CDH13: variants seen among roughly 807,000 people sequenced by gnomAD.
CDH13 encodes cadherin-13.
A neutral mutation model predicts 63.8 loss-of-function variants in CDH13; 24 were observed. The observed-to-expected ratio is 0.38, with a 90% CI of 0.27 to 0.53. CDH13 has a LOEUF of 0.53. Among genes scored for constraint, CDH13 ranks in the 20% least tolerant of loss-of-function variants. CDH13 has a pLI of 0.85. For missense variants in CDH13, 1,049 were observed against 903.1 expected (o/e 1.16, Z -2.07); for synonymous variants, 503 against 355.3 (o/e 1.42, Z -4.67).
chr16:83,524,806 T>C (rs912095376), intron 7 of CDH13, among the ~76,000 whole-genome samples: 1 of 152,118 alleles, frequency 6.6e-6, no homozygotes. Flanking sequence ...GGCAAACCTG[T>C]AGCACTGAGA....
chr16:83,586,490 C>T (rs1050155334), intron 7 of CDH13, among the ~76,000 whole-genome samples: 9 of 152,198 alleles, frequency 5.9e-5, no homozygotes, highest in African/African-American at 2.2e-4. Flanking sequence ...TATCAACATC[C>T]TGTCTGTCTG....
intron 6 of CDH13, chr16:83,397,488 C>G (rs2091905574): frequency 6.6e-6 from 1 of 152,176 alleles, no homozygotes; most frequent in Admixed American, 6.5e-5. Context: ...GATATGCAGA[C>G]TAATCTGTAA....
intron 7 of CDH13, among the ~76,000 whole-genome samples, chr16:83,552,186 G>C (rs565145373): frequency 6.6e-6 from 1 of 152,312 alleles, no homozygotes; most frequent in South Asian, 2.1e-4. Flanking sequence ...ATGAGCATCA[G>C]GGTGTGATCT....
chr16:82,694,111 C>G (rs2029966944), intron 1 of CDH13, among the ~76,000 whole-genome samples: 1 of 152,174 alleles, frequency 6.6e-6, no homozygotes. Context: ...AGTAGGTACT[C>G]AATAATTCTG....
Position 83,342,086 on chromosome 16 carries a change from A to G in CDH13, c.637-2776A>G, listed in dbSNP as rs550561426. Among the ~76,000 whole-genome samples, 24 of 151,230 alleles carry G rather than the reference A, an allele frequency of 1.6e-4. No homozygotes were observed. The East Asian group carries it at 4.5e-3, about 28-fold the overall frequency. Reference sequence around the variant, plus strand: ...GAAATGTTCTACATCTGTGTTGTCTAATATGGTAACTACTACCTGCATGTG... The same window carrying G: ...GAAATGTTCTACATCTGTGTTGTCTGATATGGTAACTACTACCTGCATGTG... On this transcript the variant is annotated intron_variant, in intron 5 of 13. Transcript: ENST00000567109.
intron 2 of CDH13, among the ~76,000 whole-genome samples, chr16:82,973,222 T>C (rs968390318): frequency 1.3e-5 from 2 of 152,264 alleles, no homozygotes; most frequent in Admixed American, 6.5e-5. Context: ...CTCATTTTTC[T>C]TGGCATTTTG....
chr16:83,136,224 C>G (rs528074877), intron 4 of CDH13, among the ~76,000 whole-genome samples: 1 of 151,380 alleles, frequency 6.6e-6, no homozygotes, highest in Non-Finnish European at 1.5e-5. Flanking sequence ...TGGCTCATGC[C>G]TGTAATCCCA....
chr16:83,052,837 A>C (rs1476325537), intron 3 of CDH13, among the ~76,000 whole-genome samples: 1 of 152,000 alleles, frequency 6.6e-6, no homozygotes, highest in South Asian at 2.1e-4. Context: ...GCAAAATAGA[A>C]AAGACAGATC....
At chr16:83,673,282 C>T (rs1371603721) in intron 9 of CDH13, among the ~76,000 whole-genome samples, 1 of 152,322 alleles carries the variant, frequency 6.6e-6, no homozygotes, top group South Asian at 2.1e-4. Flanking sequence ...GGACATAGCA[C>T]ATTGCAGTCA....
intron 5 of CDH13, among the ~76,000 whole-genome samples, chr16:83,295,800 C>A (rs1397140746): frequency 6.6e-6 from 1 of 152,024 alleles, no homozygotes; most frequent in African/African-American, 2.4e-5. Flanking sequence ...TCATATGATT[C>A]AACAATCTCA....
chr16:83,457,891 C>G (rs147427529), intron 6 of CDH13, among the ~76,000 whole-genome samples: 3 of 152,330 alleles, frequency 2.0e-5, no homozygotes, highest in African/African-American at 7.2e-5. Context: ...TTTTCAAAAG[C>G]TCCCCAGGGA....
chr16:83,437,207 G>A (rs924773570), intron 6 of CDH13, among the ~76,000 whole-genome samples: 5 of 152,194 alleles, frequency 3.3e-5, no homozygotes, highest in Admixed American at 1.3e-4. Context: ...TTTATCAGCT[G>A]TGTGACCTTG....
chr16:83,217,661 G>C (rs1306481198), intron 5 of CDH13, among the ~76,000 whole-genome samples, 164 bp downstream of exon 5: 1 of 152,138 alleles, frequency 6.6e-6, no homozygotes, highest in African/African-American at 2.4e-5. Context: ...AACCCTGACA[G>C]GGCAACAGTG....
rs12325222 is a variant in CDH13, at chr16:83,273,852, G to A, written c.636+56355G>A. ...CATGTAAGAAAATTGAGGCTCAGAG[G>A]GGTGAAAAGGCCACCCTTGATCAAA... On this transcript the variant is annotated intron_variant, in intron 5 of 13. Coordinates refer to ENST00000567109, the MANE Select transcript of CDH13 (RefSeq NM_001257.5). Among the ~76,000 whole-genome samples the A allele has an allele frequency of 2.8e-3, 423 of 152,262 alleles. 2 individuals carry two copies. Among genetic ancestry groups the A allele is most frequent in the African/African-American group, 9.0e-3 (374 of 41,544 alleles).
At chr16:82,780,189 G>GA (rs923281845) in intron 1 of CDH13, among the ~76,000 whole-genome samples, 5 of 151,938 alleles carry the variant, frequency 3.3e-5, no homozygotes, top group South Asian at 2.1e-4. Context: ...ATATATTTAA[G>GA]AAAAAAACCC....
At chr16:83,579,644 C>G (rs571520060) in intron 7 of CDH13, among the ~76,000 whole-genome samples, 9 of 152,148 alleles carry the variant, frequency 5.9e-5, no homozygotes, top group East Asian at 3.9e-4. Context: ...GGCGGTGACC[C>G]AAATCCAAAC....
chr16:83,555,343 A>G (rs2075581135), intron 7 of CDH13, among the ~76,000 whole-genome samples: 1 of 152,250 alleles, frequency 6.6e-6, no homozygotes, highest in South Asian at 2.1e-4. Flanking sequence ...TTAGACTTTC[A>G]GAAACCAAGA....
At chr16:83,579,754 A>G (rs1168876810) in intron 7 of CDH13, among the ~76,000 whole-genome samples, 10 of 152,110 alleles carry the variant, frequency 6.6e-5, no homozygotes, top group Admixed American at 6.5e-4. Flanking sequence ...ATAGGCTCAC[A>G]GGACACAGGA....
intron 6 of CDH13, among the ~76,000 whole-genome samples, chr16:83,346,136 C>A (rs16960273): frequency 2.0e-5 from 3 of 152,108 alleles, no homozygotes; most frequent in Non-Finnish European, 2.9e-5. Flanking sequence ...AAATGCGCTC[C>A]GTAAAAATGA....
Sources: gnomAD v4.1 joint callset for allele counts (sites outside exome capture counted in the v4.1 genomes callset) on GRCh38, gnomAD v4.1.1 for gene constraint, MANE v1.5 for transcripts, NCBI Gene and HGNC (gene_info 2026-07-23, HGNC 2026-07-21) for gene names.